ATF7IP: variants seen among roughly 807,000 people sequenced by gnomAD.
ATF7IP encodes the protein activating transcription factor 7 interacting protein, also known as activating transcription factor 7-interacting protein 1.
Under a neutral mutation model 106.4 loss-of-function variants are expected in ATF7IP, and 23 were observed. That is an observed-to-expected ratio of 0.22 (90% confidence interval 0.16 to 0.31). The LOEUF (loss-of-function observed/expected upper bound fraction) is 0.31, where lower values mean the gene tolerates loss of function less well. Ranked by LOEUF, ATF7IP falls within the 10% of genes least tolerant of loss-of-function variation. The pLI is 1.00. For synonymous variants in ATF7IP, 542 were observed against 539.0 expected (o/e 1.01, Z -0.08); for missense variants, 1,334 against 1,524.3 (o/e 0.88, Z 2.08).
At chr12:14,426,556 G>T (rs1467274238) in intron 2 of ATF7IP, among the ~76,000 whole-genome samples, 1 of 147,310 alleles carries the variant, frequency 6.8e-6, no homozygotes, top group East Asian at 2.0e-4. Flanking sequence ...GCCAGGTAAG[G>T]TGGCTCACAC....
intron 5 of ATF7IP, among the ~76,000 whole-genome samples, chr12:14,443,775 A>G (rs567812590): frequency 6.6e-6 from 1 of 152,332 alleles, no homozygotes; most frequent in African/African-American, 2.4e-5. Context: ...TGGGAACCCA[A>G]TAGAATTAAG....
intron 13 of ATF7IP, among the ~76,000 whole-genome samples, chr12:14,491,449 A>G (rs1005494983): frequency 6.6e-6 from 1 of 152,180 alleles, no homozygotes; most frequent in Admixed American, 6.5e-5. Context: ...GGTCAGATTT[A>G]TTTCCCATCC....
At chr12:14,470,237 G>A (rs772012545) in intron 10 of ATF7IP, among the ~76,000 whole-genome samples, 1 of 151,966 alleles carries the variant, frequency 6.6e-6, no homozygotes, top group Non-Finnish European at 1.5e-5. Flanking sequence ...GTATATTCTT[G>A]TTTCATTACA....
Position 14,478,320 on chromosome 12 carries a change from C to T in ATF7IP, c.2945C>T (p.Pro982Leu), listed in dbSNP as rs763268952. Residue 982 changes from proline to leucine, a missense_variant, in exon 12 of 15, where the codon CCC (proline) becomes CTC (leucine). By Grantham distance (98) the Pro-to-Leu change is moderately conservative (BLOSUM62 -3). Around this residue, in one of 10 missense-constraint regions of ATF7IP, gnomAD observed 370 missense variants for 401.2 expected, o/e 0.92. Coordinates refer to ENST00000261168, the MANE Select transcript of ATF7IP (RefSeq NM_018179.5). ...ATATTTCACTTTTAACTAACAGACC[C>T]CAAAAAACTAAATCACACTCCTGTA... ...DDEESGASQD[P>L]KKLNHTPVST... 5.6e-6 allele frequency: 9 copies of T among 1,613,398 alleles called. No homozygotes were observed. The Admixed American group carries it at 1.3e-4, about 24-fold the overall frequency.
intron 4 of ATF7IP, 89 bp from the exon 5 acceptor site, chr12:14,438,041 A>T: frequency 7.6e-7 from 1 of 1,307,884 alleles, no homozygotes. Context: ...CGACAGAGCG[A>T]GACTCTGTCT....
chr12:14,372,923 G>C (rs1452727933), intron 1 of ATF7IP, among the ~76,000 whole-genome samples: 1 of 152,154 alleles, frequency 6.6e-6, no homozygotes, highest in African/African-American at 2.4e-5. Context: ...CCTCAGAACT[G>C]TCAAAGCTGT....
chr12:14,485,837 T>C (rs1182155405), intron 13 of ATF7IP, among the ~76,000 whole-genome samples: 1 of 152,226 alleles, frequency 6.6e-6, no homozygotes, highest in Non-Finnish European at 1.5e-5. Context: ...AAGCTTACAG[T>C]AATCCACTGC....
intron 1 of ATF7IP, chr12:14,420,567 T>C (rs1721798297): frequency 1.3e-5 from 2 of 151,926 alleles, no homozygotes; most frequent in South Asian, 4.2e-4. Flanking sequence ...AGGTGGAGCT[T>C]GCGGTGAGCC....
chr12:14,480,940 T>G (rs764976096), intron 12 of ATF7IP, 63 bp from the exon 13 acceptor site: 2 of 1,458,848 alleles, frequency 1.4e-6, no homozygotes, highest in Non-Finnish European at 1.9e-6. Flanking sequence ...AACTGCCATT[T>G]AATACTGTTT....
intron 1 of ATF7IP, among the ~76,000 whole-genome samples, chr12:14,398,790 A>G (rs1940010660): frequency 1.3e-5 from 2 of 151,652 alleles, no homozygotes; most frequent in South Asian, 2.1e-4. Flanking sequence ...TCTTTTTTAT[A>G]TGTCATATAT....
chr12:14,469,649 G>A (rs960529851), intron 10 of ATF7IP, among the ~76,000 whole-genome samples: 10 of 152,152 alleles, frequency 6.6e-5, no homozygotes, highest in Non-Finnish European at 1.3e-4. Context: ...TGTAATTGTT[G>A]TTTTGAAGGA....
At chr12:14,385,141 A>G (rs1939160959) in intron 1 of ATF7IP, 3 of 409,312 alleles carry the variant, frequency 7.3e-6, no homozygotes, top group African/African-American at 4.1e-5. Flanking sequence ...GTGTAGCTGC[A>G]TTGTTTGTTG....
At position 14,436,178 on chromosome 12, in the gene ATF7IP, T is replaced by C. The variant is rs1299566343; in HGVS notation, c.1718T>C (p.Met573Thr). The C allele has an allele frequency of 1.2e-6, 2 of 1,613,668 alleles. No homozygotes were observed. Among genetic ancestry groups the C allele is most frequent in the Admixed American group, 3.3e-5 (2 of 59,986 alleles). Reference protein sequence around the residue: ...DNVQSKRRRYMEEEYEAEFQV... With the variant: ...DNVQSKRRRYTEEEYEAEFQV... ...GTACAGTCTAAACGTCGTCGATATA[T>C]GGAAGAAGAATATGAGGCAGAATTT... The change falls in exon 4 of 15, where the codon ATG becomes ACG. Residue 573 changes from methionine (M) to threonine (T), a missense_variant. This residue lies in a region of ATF7IP where 119 missense variants were observed against 117.8 expected (regional missense o/e 1.01). Transcript: ENST00000261168.
Position 14,425,214 on chromosome 12 carries a change from T to C in ATF7IP, c.1299T>C (p.Asp433=). 6.3e-7 allele frequency: 1 copy of C among 1,593,994 alleles called. No homozygotes were observed. The highest frequency in any genetic ancestry group is 8.5e-7 in the Non-Finnish European group (1 of 1,174,412). Residue 433 remains aspartate (D), a synonymous_variant, in exon 2 of 15, where the codon GAT becomes GAC. Transcript: ENST00000261168. ...ILENTDSMET[D]EIIPILEKLA... ...AAAATACAGACTCTATGGAGACAGA[T>C]GAAATCATTCCTATTTTGGAAAAGC... is the stretch of plus-strand genomic sequence containing the variant.
At chr12:14,384,872 T>TAA (rs34249435) in intron 1 of ATF7IP, among the ~76,000 whole-genome samples, 7,101 of 135,464 alleles carry the variant, frequency 0.052, 208 homozygotes, top group Non-Finnish European at 0.065. Flanking sequence ...CTATAAAAGG[T>TAA]AAAAAAAAAA....
At chr12:14,487,233 T>C (rs143037713) in intron 13 of ATF7IP, among the ~76,000 whole-genome samples, 1,934 of 143,842 alleles carry the variant, frequency 0.013, 60 homozygotes, top group African/African-American at 0.054. Context: ...ATCATAATCT[T>C]ATACCCTTAA....
At chr12:14,396,224 C>T (rs1939832895) in intron 1 of ATF7IP, among the ~76,000 whole-genome samples, 1 of 151,876 alleles carries the variant, frequency 6.6e-6, no homozygotes, top group Non-Finnish European at 1.5e-5. Context: ...TCTTTCCCTC[C>T]CTCTTTAGAA....
intron 1 of ATF7IP, among the ~76,000 whole-genome samples, chr12:14,380,261 A>G (rs1938943649): frequency 1.3e-5 from 2 of 151,286 alleles, no homozygotes; most frequent in South Asian, 4.2e-4. Context: ...TGCTTCATGT[A>G]TTTTTTTTGT....
At chr12:14,437,779 C>T (rs1035238212) in intron 4 of ATF7IP, among the ~76,000 whole-genome samples, 4 of 152,144 alleles carry the variant, frequency 2.6e-5, no homozygotes, top group African/African-American at 2.4e-5. Context: ...ACTGGCCGGG[C>T]GCGGTGGCTC....
Sources: gnomAD v4.1 joint callset for allele counts (sites outside exome capture counted in the v4.1 genomes callset) on GRCh38, gnomAD v4.1.1 for gene constraint, gnomAD v4.1.1 regional missense constraint, MANE v1.5 for transcripts, NCBI Gene and HGNC (gene_info 2026-07-23, HGNC 2026-07-21) for gene names.